Variants in NDRG3 observed in about 807,000 individuals in gnomAD.
NDRG3 encodes the protein NDRG family member 3.
A neutral mutation model predicts 57.2 loss-of-function variants in NDRG3; 23 were observed. The ratio of observed to expected loss-of-function variants is 0.40; its 90% CI spans 0.29 to 0.57. The LOEUF (loss-of-function observed/expected upper bound fraction) is 0.57, where lower values mean the gene tolerates loss of function less well. Ranked by LOEUF, NDRG3 falls within the 20% of genes least tolerant of loss-of-function variation. The pLI, the probability that NDRG3 is intolerant of heterozygous loss-of-function variation, is 0.42. For synonymous variants in NDRG3, 132 were observed against 162.6 expected, an observed-to-expected ratio of 0.81 and a Z score of 1.43; for missense variants, 384 against 457.3, an observed-to-expected ratio of 0.84 and a Z score of 1.46.
chr20:36,721,825 A>G (rs1984612088), intron 1 of NDRG3, 42 bp from the exon 2 acceptor site: 3 of 906,004 alleles, frequency 3.3e-6, no homozygotes, highest in Non-Finnish European at 5.3e-6. Flanking sequence ...GGCTTAAGCC[A>G]GAAGTTGGAA....
At chr20:36,725,653 G>C (rs1984888771) in intron 1 of NDRG3, among the ~76,000 whole-genome samples, 1 of 149,624 alleles carries the variant, frequency 6.7e-6, no homozygotes, top group South Asian at 2.1e-4. Flanking sequence ...ACAGAATAAT[G>C]AACAGATAAT....
chr20:36,712,587 ATTTTTTTTTTTT>A (rs71186015), intron 2 of NDRG3, among the ~76,000 whole-genome samples: 1 of 5,912 alleles, frequency 1.7e-4, no homozygotes, highest in Non-Finnish European at 3.1e-4. Context: ...ATATATATAT[ATTTTTTTTTTTT>A]TTTTTTTTTT....
chr20:36,669,897 C>T (rs750794182), intron 9 of NDRG3, among the ~76,000 whole-genome samples: 4 of 152,174 alleles, frequency 2.6e-5, no homozygotes, highest in Admixed American at 1.3e-4. Context: ...CTGCGCCTGA[C>T]CCCTAATTTG....
intron 1 of NDRG3, among the ~76,000 whole-genome samples, chr20:36,733,868 C>T (rs758433449): frequency 3.2e-4 from 48 of 152,144 alleles, no homozygotes; most frequent in Non-Finnish European, 5.9e-4. Flanking sequence ...GTCAGCAGAG[C>T]TCCTAAGCAA....
intron 3 of NDRG3, among the ~76,000 whole-genome samples, chr20:36,693,380 T>C (rs1982507993): frequency 6.6e-6 from 1 of 151,102 alleles, no homozygotes; most frequent in South Asian, 2.1e-4. Context: ...CATATAACTT[T>C]TGATGCCCCC....
intron 2 of NDRG3, among the ~76,000 whole-genome samples, chr20:36,718,890 A>C (rs978811812): frequency 6.6e-5 from 10 of 152,128 alleles, no homozygotes; most frequent in Non-Finnish European, 1.2e-4. Flanking sequence ...TTTGTTGCCC[A>C]GGCTGGTCTT....
intron 6 of NDRG3, among the ~76,000 whole-genome samples, chr20:36,683,691 T>TACACAC (rs60391182): frequency 1.6e-4 from 23 of 146,740 alleles, no homozygotes; most frequent in African/African-American, 4.5e-4. Context: ...CACATATATG[T>TACACAC]ACACACACAC....
intron 2 of NDRG3, among the ~76,000 whole-genome samples, chr20:36,708,855 A>G (rs1382000833): frequency 6.6e-6 from 1 of 151,954 alleles, no homozygotes; most frequent in Non-Finnish European, 1.5e-5. Flanking sequence ...CCTGACCAAC[A>G]TGGAGAAACC....
At chr20:36,671,705 G>A (rs368945471) in intron 8 of NDRG3, among the ~76,000 whole-genome samples, 13 of 151,962 alleles carry the variant, frequency 8.6e-5, no homozygotes, top group African/African-American at 3.1e-4. Flanking sequence ...GGGAGGTTGA[G>A]GCAGGAGAAT....
intron 5 of NDRG3, 74 bp downstream of exon 5, chr20:36,687,418 C>A (rs1320712982): frequency 6.4e-7 from 1 of 1,551,160 alleles, no homozygotes; most frequent in Non-Finnish European, 8.7e-7. Flanking sequence ...AAGCACACAC[C>A]ACTTCTCCCA....
chr20:36,662,223 T>A (rs1017954599), intron 12 of NDRG3, among the ~76,000 whole-genome samples: 5 of 151,572 alleles, frequency 3.3e-5, no homozygotes, highest in Admixed American at 6.6e-5. Context: ...CACTGTTTTT[T>A]CTTTTTCTTT....
intron 3 of NDRG3, among the ~76,000 whole-genome samples, chr20:36,695,103 AC>A (rs1982663552): frequency 6.6e-6 from 1 of 152,246 alleles, no homozygotes; most frequent in Admixed American, 6.5e-5. Flanking sequence ...GCCAGTCTTT[AC>A]TGCAATCTCT....
intron 3 of NDRG3, among the ~76,000 whole-genome samples, chr20:36,693,105 AATATAT>A (rs1290033865): frequency 0.017 from 433 of 25,844 alleles, 15 homozygotes; most frequent in African/African-American, 0.047. Context: ...AAAAAAAAAA[AATATAT>A]ATATATATAT....
At chr20:36,703,376 C>G (rs1983359617) in intron 3 of NDRG3, among the ~76,000 whole-genome samples, 1 of 151,662 alleles carries the variant, frequency 6.6e-6, no homozygotes, top group South Asian at 2.1e-4. Flanking sequence ...CATATATACT[C>G]AACATAGTGA....
At chr20:36,745,741 G>A (rs1317879313) in intron 1 of NDRG3, among the ~76,000 whole-genome samples, 1 of 152,234 alleles carries the variant, frequency 6.6e-6, no homozygotes, top group African/African-American at 2.4e-5. Context: ...AAGGGTTCGC[G>A]CCTGCGGGGG....
intron 12 of NDRG3, among the ~76,000 whole-genome samples, chr20:36,663,767 T>G (rs1185046619): frequency 6.6e-6 from 1 of 152,186 alleles, no homozygotes; most frequent in Non-Finnish European, 1.5e-5. Context: ...TAATCAAAGA[T>G]TCAAAGATTT....
intron 1 of NDRG3, among the ~76,000 whole-genome samples, chr20:36,736,018 G>T (rs1985593058): frequency 1.4e-5 from 2 of 142,668 alleles, no homozygotes; most frequent in South Asian, 4.6e-4. Flanking sequence ...GAGACACCAA[G>T]AACAATATAG....
At chr20:36,680,099 C>T (rs983796715) in intron 8 of NDRG3, among the ~76,000 whole-genome samples, 2 of 151,544 alleles carry the variant, frequency 1.3e-5, no homozygotes, top group Admixed American at 6.6e-5. Flanking sequence ...GCTGGGATTA[C>T]AGGCATGAGC....
intron 13 of NDRG3, among the ~76,000 whole-genome samples, chr20:36,658,105 G>A (rs1455493503): frequency 1.3e-5 from 2 of 152,096 alleles, no homozygotes; most frequent in Admixed American, 6.6e-5. Flanking sequence ...AACCTGAAAT[G>A]AGAAACTAAT....
Sources: gnomAD v4.1 joint callset for allele counts (sites outside exome capture counted in the v4.1 genomes callset) on GRCh38, gnomAD v4.1.1 for gene constraint, MANE v1.5 for transcripts, NCBI Gene and HGNC (gene_info 2026-07-23, HGNC 2026-07-21) for gene names.